NLGN1: variants seen among roughly 807,000 people sequenced by gnomAD.
NLGN1 encodes neuroligin 1.
Under a neutral mutation model 65.5 loss-of-function variants are expected in NLGN1, and 12 were observed. The ratio of observed to expected loss-of-function variants is 0.18; its 90% CI spans 0.12 to 0.30. The LOEUF (loss-of-function observed/expected upper bound fraction) is 0.30. Ranked by LOEUF, NLGN1 falls within the 10% of genes least tolerant of loss-of-function variation. The pLI is 1.00. For missense variants in NLGN1, 750 were observed against 1,007.1 expected, an observed-to-expected ratio of 0.74 and a Z score of 3.46; for synonymous variants, 350 against 359.5, an observed-to-expected ratio of 0.97 and a Z score of 0.30.
chr3:174,078,821 A>G (rs1405713878), intron 4 of NLGN1, among the ~76,000 whole-genome samples: 1 of 152,182 alleles, frequency 6.6e-6, no homozygotes, highest in Non-Finnish European at 1.5e-5. Flanking sequence ...TTAATTTTAG[A>G]GAAACTTTAT....
intron 4 of NLGN1, among the ~76,000 whole-genome samples, chr3:173,894,764 A>G (rs138693686): frequency 8.6e-4 from 130 of 151,760 alleles, no homozygotes; most frequent in African/African-American, 3.0e-3. Context: ...AAGCTTCCCA[A>G]TTAGCTAGGA....
Position 173,730,330 on chromosome 3 carries a change from C to CT in NLGN1, c.494-77350_494-77349insT, listed in dbSNP as rs1010283869. ...CACTACTGCCCCACCGCTCCCCCCC[C>CT]CCCGCAAAAATAGAATGAAAGCTAC... On this transcript the variant is annotated intron_variant, in intron 3 of 6. Coordinates refer to ENST00000457714, the Ensembl canonical transcript of NLGN1. Among the ~76,000 whole-genome samples, 3 of 139,482 alleles carry CT rather than the reference C, an allele frequency of 2.2e-5. 1 individual carries two copies. The highest frequency in any genetic ancestry group is 1.4e-4 in the Admixed American group (2 of 14,284). 91.5% of individuals were successfully genotyped at this position (139,482 alleles called of 152,430 possible).
intron 4 of NLGN1, among the ~76,000 whole-genome samples, chr3:174,078,037 C>T (rs957269297): frequency 6.6e-6 from 1 of 151,864 alleles, no homozygotes; most frequent in African/African-American, 2.4e-5. Flanking sequence ...CTATATATGC[C>T]ACATAGTCTT....
chr3:173,507,137 A>G (rs906252365), intron 2 of NLGN1, among the ~76,000 whole-genome samples: 1 of 152,060 alleles, frequency 6.6e-6, no homozygotes, highest in Admixed American at 6.6e-5. Context: ...TTTGGATTAA[A>G]TTTTTTCACT....
At chr3:174,190,611 G>A (rs530446921) in intron 4 of NLGN1, among the ~76,000 whole-genome samples, 2 of 151,802 alleles carry the variant, frequency 1.3e-5, no homozygotes, top group Non-Finnish European at 2.9e-5. Context: ...ATATAACTAT[G>A]TTCATCAAAA....
At chr3:173,446,469 T>G (rs1218123647) in intron 2 of NLGN1, among the ~76,000 whole-genome samples, 5 of 152,232 alleles carry the variant, frequency 3.3e-5, no homozygotes, top group African/African-American at 1.2e-4. Flanking sequence ...CTATCATTGT[T>G]GGGCATTTGG....
chr3:173,927,601 A>G (rs1349008736), intron 4 of NLGN1, among the ~76,000 whole-genome samples: 1 of 152,020 alleles, frequency 6.6e-6, no homozygotes, highest in Non-Finnish European at 1.5e-5. Context: ...GAAGATGGGG[A>G]GTAAAGTTAG....
intron 3 of NLGN1, among the ~76,000 whole-genome samples, chr3:173,612,489 A>G (rs6768354): frequency 0.14 from 21,122 of 151,942 alleles, 1,618 homozygotes; most frequent in Middle Eastern, 0.26. Context: ...TCCAGAGGTT[A>G]CTAATAGTCC....
At chr3:173,858,771 C>T (rs1324530115) in intron 4 of NLGN1, among the ~76,000 whole-genome samples, 1 of 151,974 alleles carries the variant, frequency 6.6e-6, no homozygotes, top group Admixed American at 6.6e-5. Flanking sequence ...CATCTTTGAC[C>T]TAAATCGCAT....
chr3:174,117,996 G>A (rs541719691), intron 4 of NLGN1, among the ~76,000 whole-genome samples: 40 of 151,118 alleles, frequency 2.6e-4, no homozygotes, highest in African/African-American at 9.3e-4. Context: ...CTCACCAGGA[G>A]TTTGTTTTGT....
chr3:173,544,703 T>A (rs61357744), intron 2 of NLGN1, among the ~76,000 whole-genome samples: 9,895 of 152,100 alleles, frequency 0.065, 1,044 homozygotes, highest in African/African-American at 0.23. Context: ...TTGGCCTAGA[T>A]ATACAGATTT....
intron 4 of NLGN1, among the ~76,000 whole-genome samples, chr3:174,108,000 A>G (rs1714324472): frequency 6.6e-6 from 1 of 151,946 alleles, no homozygotes; most frequent in Non-Finnish European, 1.5e-5. Context: ...TTTACTGTTG[A>G]GTTTTTAAGT....
At chr3:173,829,586 GTGT>G (rs1056641217) in intron 4 of NLGN1, among the ~76,000 whole-genome samples, 22 of 149,886 alleles carry the variant, frequency 1.5e-4, no homozygotes, top group Admixed American at 9.3e-4. Flanking sequence ...GTGTGTGTGT[GTGT>G]TAAGATCACT....
At chr3:173,413,089 C>T (rs964181817) in intron 1 of NLGN1, among the ~76,000 whole-genome samples, 11 of 152,138 alleles carry the variant, frequency 7.2e-5, no homozygotes, top group Admixed American at 3.3e-4. Flanking sequence ...CTGCCTTGCC[C>T]ACCCTAGCCA....
intron 4 of NLGN1, among the ~76,000 whole-genome samples, chr3:174,266,044 A>ATATT (rs1053176915): frequency 3.3e-5 from 4 of 123,010 alleles, no homozygotes; most frequent in Non-Finnish European, 6.5e-5. Context: ...ATATATATAT[A>ATATT]TATTTTTTTT....
intron 4 of NLGN1, among the ~76,000 whole-genome samples, chr3:174,272,252 G>A (rs548688034): frequency 3.3e-5 from 5 of 151,642 alleles, no homozygotes; most frequent in South Asian, 2.1e-4. Flanking sequence ...GTAAAGTTTC[G>A]GCTAGGGTGA....
Position 173,932,017 on chromosome 3 carries a change from CTGTTTTGTTT to C in NLGN1, c.646+124207_646+124216del, listed in dbSNP as rs113507013. On this transcript the variant is annotated intron_variant, in intron 4 of 6. Coordinates refer to ENST00000457714, the Ensembl canonical transcript of NLGN1. Reference sequence around the variant, plus strand: ...GTTTTGTTTTGTTTTAATTTTTTTTCTGTTTTGTTTTGTTTTGTTTTGTTTTGTTTTCCAG... The same window carrying C: ...GTTTTGTTTTGTTTTAATTTTTTTTCTGTTTTGTTTTGTTTTGTTTTCCAG... 5.6e-3 allele frequency among the ~76,000 whole-genome samples: 843 copies of C among 151,826 alleles called. 7 individuals carry two copies. Among genetic ancestry groups the C allele is most frequent in the African/African-American group, 0.017 (697 of 41,450 alleles).
intron 4 of NLGN1, among the ~76,000 whole-genome samples, chr3:173,941,530 A>G (rs1429160640): frequency 6.6e-6 from 1 of 151,992 alleles, no homozygotes; most frequent in Non-Finnish European, 1.5e-5. Flanking sequence ...GGTTGACTGG[A>G]TTTGACTTTC....
intron 3 of NLGN1, among the ~76,000 whole-genome samples, chr3:173,797,699 C>A (rs13075513): frequency 0.81 from 119,367 of 146,714 alleles, 49,367 homozygotes; most frequent in Non-Finnish European, 0.87. Context: ...ACAACAACAA[C>A]AAAAAAAAAC....
Sources: gnomAD v4.1 joint callset for allele counts (sites outside exome capture counted in the v4.1 genomes callset) on GRCh38, gnomAD v4.1.1 for gene constraint, MANE v1.5 for transcripts, NCBI Gene and HGNC (gene_info 2026-07-23, HGNC 2026-07-21) for gene names.